ADGRA1: variants seen among roughly 807,000 people sequenced by gnomAD.
ADGRA1 encodes G-protein coupled receptor 123.
In ADGRA1, 12 loss-of-function variants were observed where a neutral mutation model predicts 21.3. The observed-to-expected ratio is 0.56, with a 90% CI of 0.36 to 0.91. The LOEUF (loss-of-function observed/expected upper bound fraction) is 0.91, where lower values mean the gene tolerates loss of function less well. ADGRA1 is among the 40% of genes least tolerant of loss of function. ADGRA1 has a pLI of 0.01. For missense variants in ADGRA1, 790 were observed against 805.6 expected, an observed-to-expected ratio of 0.98 and a Z score of 0.23; for synonymous variants, 385 against 368.8, an observed-to-expected ratio of 1.04 and a Z score of -0.50.
Position 133,129,479 on chromosome 10 carries a change from A to C in ADGRA1, c.1651A>C (p.Thr551Pro), listed in dbSNP as rs2135914715. 1 of 1,598,334 alleles carries C rather than the reference A, an allele frequency of 6.3e-7. No homozygotes were observed. The highest frequency in any genetic ancestry group is 2.2e-5 in the East Asian group (1 of 44,848). The change falls in exon 7 of 7, where the codon ACG becomes CCG. Residue 551 changes from threonine to proline, a missense_variant. This residue lies in a region of ADGRA1 where 391 missense variants were observed against 351.5 expected (regional missense o/e 1.11). Coordinates refer to ENST00000392607, the MANE Select transcript of ADGRA1 (RefSeq NM_001083909.3). ...FGTDGTGNIR[T>P]GPWKNETTV The stretch of plus-strand genomic sequence containing the variant: ...CACCGACGGGACCGGCAACATCCGA[A>C]CGGGACCCTGGAAAAACGAAACTAC...
rs528672197 is a variant in ADGRA1, at chr10:133,101,314, C to T, written c.256-1383C>T. ...CCAGGCTCTGGATGGCTGGAGAGGA[C>T]GGACTGTTGCTATGGCAACAAAGAG... On this transcript the variant is annotated intron_variant, in intron 4 of 6. Coordinates refer to ENST00000392607, the MANE Select transcript of ADGRA1 (RefSeq NM_001083909.3). Among the ~76,000 whole-genome samples, 9 of 152,334 alleles carry T rather than the reference C, an allele frequency of 5.9e-5. No homozygotes were observed. In the South Asian group the frequency reaches 8.3e-4, roughly 14 times the overall value.
At chr10:133,097,973 T>C (rs2135870610) in intron 3 of ADGRA1, among the ~76,000 whole-genome samples, 2 of 152,284 alleles carry the variant, frequency 1.3e-5, no homozygotes, top group South Asian at 4.1e-4. Context: ...TATCATCAGC[T>C]TGGTGGTTAG....
At chr10:133,116,082 A>G (rs1291332036) in intron 5 of ADGRA1, among the ~76,000 whole-genome samples, 1 of 146,478 alleles carries the variant, frequency 6.8e-6, no homozygotes, top group African/African-American at 2.6e-5. Flanking sequence ...GCCCAGGGCT[A>G]GACGCATGCC....
intron 5 of ADGRA1, among the ~76,000 whole-genome samples, chr10:133,115,455 C>G (rs1852139857): frequency 6.6e-6 from 1 of 152,216 alleles, no homozygotes; most frequent in African/African-American, 2.4e-5. Flanking sequence ...CACGAGGCCA[C>G]AGCTGGACTC....
intron 4 of ADGRA1, among the ~76,000 whole-genome samples, chr10:133,101,081 C>T (rs901411793): frequency 3.3e-5 from 5 of 152,200 alleles, no homozygotes; most frequent in South Asian, 2.1e-4. Flanking sequence ...TTCCCGCCTC[C>T]GGGTAAGGAG....
Position 133,097,074 on chromosome 10 carries a change from C to T in ADGRA1, c.104C>T (p.Ser35Phe), listed in dbSNP as rs1220952902. 6.2e-7 allele frequency: 1 copy of T among 1,607,728 alleles called. No homozygotes were observed. Among genetic ancestry groups the T allele is most frequent in the Non-Finnish European group, 8.5e-7 (1 of 1,179,986 alleles). The change falls in exon 3 of 7, where the codon TCC (serine) becomes TTC (phenylalanine). Residue 35 changes from serine to phenylalanine, a missense_variant. Physicochemically the swap from Ser to Phe is radical, Grantham distance 155 (BLOSUM62 -2). Transcript: ENST00000392607. ...GTCATGCTGCTCTGCCTCCTGGCCT[C>T]CTTCGTCACCTACATCGTGCACCAG... ...TAVMLLCLLASFVTYIVHQSA... is the reference protein window; with the variant it reads ...TAVMLLCLLAFFVTYIVHQSA...
rs1484300997 is a variant in ADGRA1 at position 133,129,155 on chromosome 10, A to G, written c.1327A>G (p.Ser443Gly). ...CGAGTACGCCTACCACATCCCATCC[A>G]GCCTGGATGGCAGCCCCCGCAGCTC... ...EPEYAYHIPS[S>G]LDGSPRSSRT... Residue 443 changes from serine (S) to glycine (G), a missense_variant, in exon 7 of 7, where the codon AGC becomes GGC. Ser to Gly is a moderately conservative substitution (Grantham distance 56, BLOSUM62 0). Around this residue, in one of 3 missense-constraint regions of ADGRA1, gnomAD observed 391 missense variants for 351.5 expected, o/e 1.11. Coordinates refer to ENST00000392607, the MANE Select transcript of ADGRA1 (RefSeq NM_001083909.3). The G allele has an allele frequency of 6.4e-7, 1 of 1,554,080 alleles. No homozygotes were observed. The highest frequency in any genetic ancestry group is 1.2e-5 in the South Asian group (1 of 84,382).
chr10:133,116,691 G>A (rs2135898797), intron 5 of ADGRA1, among the ~76,000 whole-genome samples: 1 of 152,206 alleles, frequency 6.6e-6, no homozygotes, highest in Non-Finnish European at 1.5e-5. Flanking sequence ...TCAGTGGTGG[G>A]GATGCCACCT....
At chr10:133,099,597 C>T (rs995103754) in intron 4 of ADGRA1, among the ~76,000 whole-genome samples, 6 of 152,214 alleles carry the variant, frequency 3.9e-5, no homozygotes, top group Non-Finnish European at 8.8e-5. Flanking sequence ...CCTGGCAGAG[C>T]TCATGGTGGA....
At chr10:133,098,874 G>A in intron 4 of ADGRA1, 111 bp downstream of exon 4, 3 of 1,401,512 alleles carry the variant, frequency 2.1e-6, no homozygotes, top group Non-Finnish European at 2.9e-6. Flanking sequence ...CGGGAAGAGG[G>A]TCGGACCCTG....
chr10:133,088,539 A>G, intron 1 of ADGRA1, 169 bp from the exon 2 acceptor site: 1 of 279,504 alleles, frequency 3.6e-6, no homozygotes, highest in East Asian at 6.9e-5. Flanking sequence ...CGAGCCCCCC[A>G]CCGGTCCCCA....
At chr10:133,099,912 T>C (rs1217831253) in intron 4 of ADGRA1, among the ~76,000 whole-genome samples, 1 of 152,198 alleles carries the variant, frequency 6.6e-6, no homozygotes, top group East Asian at 1.9e-4. Context: ...ACAGCAGTGG[T>C]GGAGACTCAT....
intron 2 of ADGRA1, among the ~76,000 whole-genome samples, chr10:133,093,844 C>T (rs963791535): frequency 6.6e-6 from 1 of 152,238 alleles, no homozygotes; most frequent in Non-Finnish European, 1.5e-5. Context: ...AAAGAAGAAT[C>T]GGTGCATGTG....
chr10:133,126,917 G>C (rs1252958259), intron 5 of ADGRA1, among the ~76,000 whole-genome samples: 4 of 152,160 alleles, frequency 2.6e-5, no homozygotes, highest in Non-Finnish European at 1.5e-5. Context: ...CCGGGGAGCA[G>C]TCCCGCCTGT....
rs1281573656 is a variant in ADGRA1 at position 133,128,823 on chromosome 10, A to G, written c.995A>G (p.Asp332Gly). ...CGCAAGGACGCCCACCCCGCACTTGACGCCAACGGGGCCGCGCTGGGCCGC... is the reference window on the plus strand; with the variant it reads ...CGCAAGGACGCCCACCCCGCACTTGGCGCCAACGGGGCCGCGCTGGGCCGC... ...PPRKDAHPAL[D>G]ANGAALGRAA... is the part of the protein sequence containing the mutation. Residue 332 changes from aspartate to glycine, a missense_variant, in exon 7 of 7, where the codon GAC becomes GGC. Transcript: ENST00000392607. 1 of 1,603,866 alleles carries G rather than the reference A, an allele frequency of 6.2e-7. No individual in the cohort carries two copies. The highest frequency in any genetic ancestry group is 2.2e-5 in the East Asian group (1 of 44,660).
chr10:133,129,172 C>T lies in ADGRA1; in HGVS notation c.1344C>T (p.Pro448=). The change falls in exon 7 of 7, where the codon CCC becomes CCT. Residue 448 remains proline (P), a synonymous_variant. Transcript: ENST00000392607. The part of the protein sequence containing the change: ...YHIPSSLDGS[P]RSSRTDSPPS... ...TCCCATCCAGCCTGGATGGCAGCCC[C>T]CGCAGCTCGCGCACAGACAGCCCCC... The T allele has an allele frequency of 1.3e-6, 2 of 1,551,366 alleles. No homozygotes were observed. The highest frequency in any genetic ancestry group is 1.4e-5 in the African/African-American group (1 of 73,204).
In ADGRA1 at chr10:133,128,949, C is replaced by T; in HGVS notation, c.1121C>T (p.Ala374Val). 1 of 1,557,616 alleles carries T rather than the reference C, an allele frequency of 6.4e-7. No homozygotes were observed. Among genetic ancestry groups the T allele is most frequent in the Non-Finnish European group, 8.7e-7 (1 of 1,154,026 alleles). The change falls in exon 7 of 7, where the codon GCC (alanine) becomes GTC (valine). Residue 374 changes from alanine to valine, a missense_variant. Transcript: ENST00000392607. Reference protein sequence around the residue: ...MTNLQAAQGHASCLSPATPCC... With the variant: ...MTNLQAAQGHVSCLSPATPCC... ...AACCTGCAGGCCGCGCAGGGCCACG[C>T]CAGTTGCCTGTCACCGGCCACCCCG...
intron 2 of ADGRA1, among the ~76,000 whole-genome samples, chr10:133,096,742 G>A (rs1049979861): frequency 1.4e-4 from 22 of 152,204 alleles, no homozygotes; most frequent in African/African-American, 2.9e-4. Flanking sequence ...AGTGGAGGGC[G>A]AGGACAGACA....
intron 2 of ADGRA1, among the ~76,000 whole-genome samples, chr10:133,091,320 G>A (rs899129532): frequency 2.4e-4 from 37 of 152,224 alleles, no homozygotes; most frequent in Non-Finnish European, 3.2e-4. Context: ...TGGGATGGGC[G>A]GTGTGGCTGG....
Sources: gnomAD v4.1 joint callset for allele counts (sites outside exome capture counted in the v4.1 genomes callset) on GRCh38, gnomAD v4.1.1 for gene constraint, gnomAD v4.1.1 regional missense constraint, MANE v1.5 for transcripts, NCBI Gene and HGNC (gene_info 2026-07-23, HGNC 2026-07-21) for gene names.